The following PITPNC1 variants were observed in gnomAD, a reference collection of about 807,000 sequenced individuals.
PITPNC1 encodes cytoplasmic phosphatidylinositol transfer protein 1.
In PITPNC1, 18 loss-of-function variants were observed where a neutral mutation model predicts 44.7. The observed-to-expected ratio is 0.40, with a 90% CI of 0.28 to 0.60. The LOEUF is 0.60. PITPNC1 is among the 20% of genes least tolerant of loss of function. The pLI is 0.39. For synonymous variants in PITPNC1, 141 were observed against 149.6 expected (o/e 0.94, Z 0.42); for missense variants, 290 against 418.4 (o/e 0.69, Z 2.68).
At chr17:67,618,037 C>T (rs2041782214) in intron 5 of PITPNC1, among the ~76,000 whole-genome samples, 1 of 152,136 alleles carries the variant, frequency 6.6e-6, no homozygotes. Context: ...TACAACCCAG[C>T]AGTCCTACTC....
chr17:67,462,912 G>C (rs1487058250), intron 1 of PITPNC1, among the ~76,000 whole-genome samples: 1 of 152,016 alleles, frequency 6.6e-6, no homozygotes, highest in Admixed American at 6.5e-5. Flanking sequence ...ATGTTGGTTA[G>C]GTTGGTCTCG....
At chr17:67,519,058 A>G (rs1371432564) in intron 1 of PITPNC1, among the ~76,000 whole-genome samples, 3 of 152,214 alleles carry the variant, frequency 2.0e-5, no homozygotes, top group Admixed American at 2.0e-4. Context: ...TTACTCAAAA[A>G]GTTCAACATA....
chr17:67,383,914 G>A (rs537482136), intron 1 of PITPNC1, among the ~76,000 whole-genome samples: 98 of 152,268 alleles, frequency 6.4e-4, no homozygotes, highest in African/African-American at 2.3e-3. Context: ...GCGCATGCCT[G>A]TAATCCCAGG....
chr17:67,384,533 C>A (rs912350802), intron 1 of PITPNC1, among the ~76,000 whole-genome samples: 1 of 151,878 alleles, frequency 6.6e-6, no homozygotes, highest in Non-Finnish European at 1.5e-5. Context: ...TCACGCCATT[C>A]TCCTGCCTCA....
In PITPNC1 at chr17:67,377,337, G is replaced by C. The variant is rs886283259; in HGVS notation, c.-818G>C. 8.5e-5 allele frequency: 13 copies of C among 152,148 alleles called. 1 individual carries two copies. The highest frequency in any genetic ancestry group is 2.9e-4 in the African/African-American group (12 of 41,450). 9.4% of individuals were successfully genotyped at this position (152,148 alleles called of 1,614,324 possible). Reference sequence around the variant, plus strand: ...GCATCGGCGCGGACGCTCCGGCCCCGGCGAGGTGGCTGCAAACTCGCGGGC... The same window carrying C: ...GCATCGGCGCGGACGCTCCGGCCCCCGCGAGGTGGCTGCAAACTCGCGGGC... On this transcript the variant is annotated 5_prime_UTR_variant, in exon 1 of 9. Coordinates refer to ENST00000581322, the MANE Select transcript of PITPNC1 (RefSeq NM_012417.4).
At chr17:67,466,168 T>G (rs1204807380) in intron 1 of PITPNC1, among the ~76,000 whole-genome samples, 1 of 132,834 alleles carries the variant, frequency 7.5e-6, no homozygotes, top group African/African-American at 2.9e-5. Context: ...GCATAACTAA[T>G]TTTTAAAGTT....
At chr17:67,543,340 G>A (rs1229226164) in intron 2 of PITPNC1, among the ~76,000 whole-genome samples, 1 of 152,274 alleles carries the variant, frequency 6.6e-6, no homozygotes, top group Non-Finnish European at 1.5e-5. Context: ...GTCCCATTGG[G>A]TTCCCAGACC....
chr17:67,676,193 C>T lies in PITPNC1; in HGVS notation c.682+651C>T, dbSNP rs576358734. Among the ~76,000 whole-genome samples the T allele has an allele frequency of 3.4e-5, 5 of 148,664 alleles. No homozygotes were observed. The highest frequency in any genetic ancestry group is 4.2e-4 in the South Asian group (2 of 4,708). On this transcript the variant is annotated intron_variant, in intron 8 of 8. Coordinates refer to ENST00000581322, the MANE Select transcript of PITPNC1 (RefSeq NM_012417.4). This position sits in a 1 kb window ranked among gnomAD's most constrained non-coding sequence, Gnocchi z 4.0. ...CTGCACTCCAGCCTGGGGGACAGAG[C>T]GAGACTCCGTCTCGGAAAAAAAAAA... is the stretch of plus-strand genomic sequence containing the variant.
Position 67,696,300 on chromosome 17 carries a change from A to C in PITPNC1, c.*3412A>C, listed in dbSNP as rs1020589815. On this transcript the variant is annotated 3_prime_UTR_variant, in exon 9 of 9. Transcript: ENST00000581322. ...TACATCTCGATAAATCATTCTCTGC[A>C]AAAGTTTCAGGGCTAATGTATTTAT... 8 of 152,052 alleles carry C rather than the reference A, an allele frequency of 5.3e-5. No individual in the cohort carries two copies. Among genetic ancestry groups the C allele is most frequent in the Non-Finnish European group, 1.0e-4 (7 of 68,038 alleles). 9.4% of individuals were successfully genotyped at this position (152,052 alleles called of 1,614,324 possible).
intron 5 of PITPNC1, among the ~76,000 whole-genome samples, chr17:67,584,704 C>T (rs956994293): frequency 2.0e-5 from 3 of 152,146 alleles, no homozygotes; most frequent in African/African-American, 7.2e-5. Context: ...GATGATTTCC[C>T]AATGAGACTC....
At chr17:67,428,443 G>C (rs757521525) in intron 1 of PITPNC1, among the ~76,000 whole-genome samples, 1 of 151,876 alleles carries the variant, frequency 6.6e-6, no homozygotes, top group Non-Finnish European at 1.5e-5. Context: ...GAGAGGCTAA[G>C]GTGGGAGGAT....
chr17:67,583,897 T>TGTGTG lies in PITPNC1; in HGVS notation c.366+5640_366+5641insGTGTG, dbSNP rs1568052082. On this transcript the variant is annotated intron_variant, in intron 5 of 8. Coordinates refer to ENST00000581322, the MANE Select transcript of PITPNC1 (RefSeq NM_012417.4). Reference sequence around the variant, plus strand: ...TGTGTGTGTGTGTGTGTGTGTGTGTTTGTGTGTGTGTGTGTTTGTGTTTAG... The same window carrying TGTGTG: ...TGTGTGTGTGTGTGTGTGTGTGTGTTGTGTGTGTGTGTGTGTGTGTTTGTGTTTAG... Among the ~76,000 whole-genome samples the TGTGTG allele has an allele frequency of 6.2e-3, 663 of 106,378 alleles. 10 individuals carry two copies. Among genetic ancestry groups the TGTGTG allele is most frequent in the Middle Eastern group, 0.019 (4 of 208 alleles). The allele number at this position is 106,378 out of a possible 152,430, so 69.8% of individuals were successfully genotyped here. A position where few individuals can be genotyped will look rare whatever the true frequency, so the allele number is the denominator to read the frequency against.
intron 6 of PITPNC1, among the ~76,000 whole-genome samples, chr17:67,660,013 T>C (rs1427307717): frequency 6.6e-6 from 1 of 152,184 alleles, no homozygotes; most frequent in African/African-American, 2.4e-5. Context: ...CCCAAGTAGC[T>C]GGGACTGCAG....
intron 1 of PITPNC1, among the ~76,000 whole-genome samples, chr17:67,442,419 T>C (rs910979621): frequency 1.3e-5 from 2 of 149,810 alleles, no homozygotes; most frequent in Admixed American, 1.3e-4. Flanking sequence ...ATGACGAGGG[T>C]GGGATGGGCA....
intron 1 of PITPNC1, among the ~76,000 whole-genome samples, chr17:67,454,572 T>C (rs976634348): frequency 1.3e-5 from 2 of 152,182 alleles, no homozygotes; most frequent in Non-Finnish European, 2.9e-5. Context: ...GGATATAGTT[T>C]GTGGACCCTG....
At chr17:67,557,446 G>T (rs2040853388) in intron 4 of PITPNC1, among the ~76,000 whole-genome samples, 1 of 152,220 alleles carries the variant, frequency 6.6e-6, no homozygotes, top group African/African-American at 2.4e-5. Context: ...TGGATGGAGG[G>T]CAGGTCGTGG....
At chr17:67,633,166 C>G (rs2041991697) in intron 6 of PITPNC1, among the ~76,000 whole-genome samples, 1 of 152,168 alleles carries the variant, frequency 6.6e-6, no homozygotes, top group Admixed American at 6.5e-5. Flanking sequence ...GCAATGACAG[C>G]AGATGCAGGG....
At chr17:67,378,804 C>T (rs1471216090) in intron 1 of PITPNC1, among the ~76,000 whole-genome samples, 1 of 152,204 alleles carries the variant, frequency 6.6e-6, no homozygotes. Context: ...CGCAAACCGC[C>T]TGGCTCGGAA....
intron 1 of PITPNC1, among the ~76,000 whole-genome samples, chr17:67,479,909 ATGAATAATTCAGAGT>A (rs1156980593): frequency 6.6e-6 from 1 of 152,176 alleles, no homozygotes; most frequent in Non-Finnish European, 1.5e-5. Flanking sequence ...ATGCTCACTG[ATGAATAATTCAGAGT>A]TGTACAAGCA....
Sources: gnomAD v4.1 joint callset for allele counts (sites outside exome capture counted in the v4.1 genomes callset) on GRCh38, gnomAD v4.1.1 for gene constraint, Gnocchi (gnomAD v3.1) non-coding constraint, MANE v1.5 for transcripts, NCBI Gene and HGNC (gene_info 2026-07-23, HGNC 2026-07-21) for gene names.